The following ITPR2 variants were observed in gnomAD, a reference collection of about 807,000 sequenced individuals.
ITPR2 encodes inositol 1,4,5-trisphosphate-gated calcium channel ITPR2.
A neutral mutation model predicts 317.1 loss-of-function variants in ITPR2; 207 were observed. The ratio of observed to expected loss-of-function variants is 0.65; its 90% CI spans 0.58 to 0.73. ITPR2 has a LOEUF of 0.73. Ranked by LOEUF, ITPR2 falls within the 30% of genes least tolerant of loss-of-function variation. ITPR2 has a pLI of 0.00. For synonymous variants in ITPR2, 1,156 were observed against 1,149.1 expected, an observed-to-expected ratio of 1.01 and a Z score of -0.12; for missense variants, 2,613 against 3,284.0, an observed-to-expected ratio of 0.80 and a Z score of 4.99.
At chr12:26,499,203 T>C (rs1943017493) in intron 37 of ITPR2, among the ~76,000 whole-genome samples, 1 of 152,236 alleles carries the variant, frequency 6.6e-6, no homozygotes, top group Non-Finnish European at 1.5e-5. Flanking sequence ...GCATCATATT[T>C]GTGATTATTT....
At chr12:26,763,157 C>A (rs148506681) in intron 2 of ITPR2, among the ~76,000 whole-genome samples, 1 of 151,922 alleles carries the variant, frequency 6.6e-6, no homozygotes, top group East Asian at 1.9e-4. Context: ...GTGATGGATG[C>A]GTGTTCTGGG....
chr12:26,504,133 AG>A (rs1365199575), intron 37 of ITPR2, among the ~76,000 whole-genome samples: 2 of 152,246 alleles, frequency 1.3e-5, no homozygotes, highest in African/African-American at 4.8e-5. Context: ...TCCTTGAAGT[AG>A]TGTTAAATGG....
chr12:26,737,535 A>G (rs973409685), intron 2 of ITPR2, among the ~76,000 whole-genome samples: 1 of 152,094 alleles, frequency 6.6e-6, no homozygotes, highest in African/African-American at 2.4e-5. Context: ...TTACAGGCAT[A>G]AGCCACCGCA....
intron 21 of ITPR2, among the ~76,000 whole-genome samples, chr12:26,651,766 C>T (rs1377303469): frequency 6.6e-6 from 1 of 152,214 alleles, no homozygotes; most frequent in Non-Finnish European, 1.5e-5. Context: ...TCTTGTTCAA[C>T]ATCGCCCCCT....
At position 26,616,312 on chromosome 12, in the gene ITPR2, T is replaced by C. The variant is rs1288425757; in HGVS notation, c.3462+4811A>G. Among the ~76,000 whole-genome samples, 4 of 151,942 alleles carry C rather than the reference T, an allele frequency of 2.6e-5. No individual in the cohort carries two copies. In the East Asian group the frequency reaches 7.7e-4, roughly 29 times the overall value. On this transcript the variant is annotated intron_variant, in intron 26 of 56. Coordinates refer to ENST00000381340, the MANE Select transcript of ITPR2 (RefSeq NM_002223.4). Reference sequence around the variant, plus strand: ...ACCACCACACCCAGCTAATTTTTTGTATTTTTAGTAGAGATGGGGTTTCAC... The same window carrying C: ...ACCACCACACCCAGCTAATTTTTTGCATTTTTAGTAGAGATGGGGTTTCAC...
chr12:26,375,237 TTTC>T (rs1399413505), intron 55 of ITPR2, among the ~76,000 whole-genome samples: 2 of 152,176 alleles, frequency 1.3e-5, no homozygotes, highest in African/African-American at 4.8e-5. Flanking sequence ...AAACAAGAAT[TTTC>T]TTCAGCACAG....
At chr12:26,627,991 A>G (rs1429176407) in intron 23 of ITPR2, 42 bp downstream of exon 23, 2 of 1,532,748 alleles carry the variant, frequency 1.3e-6, no homozygotes, top group East Asian at 2.3e-5. Flanking sequence ...AAGTTCTCAG[A>G]AAAATAAAAT....
At chr12:26,503,371 T>C (rs890756228) in intron 37 of ITPR2, among the ~76,000 whole-genome samples, 3 of 152,178 alleles carry the variant, frequency 2.0e-5, no homozygotes, top group African/African-American at 7.2e-5. Flanking sequence ...TTTTAATAAA[T>C]TCAGAATACA....
rs939482395 is a variant in ITPR2 at position 26,818,265 on chromosome 12, G to A, written c.92+14425C>T. ...TTACTGCCTCTCAGAACTCCTATGCGACAACTTACCCAAACAGTTCTTCAT... is the reference window on the plus strand; with the variant it reads ...TTACTGCCTCTCAGAACTCCTATGCAACAACTTACCCAAACAGTTCTTCAT... On this transcript the variant is annotated intron_variant, in intron 1 of 56. Transcript: ENST00000381340. Among the ~76,000 whole-genome samples, 8 of 152,230 alleles carry A rather than the reference G, an allele frequency of 5.3e-5. No homozygotes were observed. In the East Asian group the frequency reaches 9.7e-4, roughly 18 times the overall value.
intron 1 of ITPR2, among the ~76,000 whole-genome samples, chr12:26,816,156 T>C (rs117382529): frequency 0.014 from 2,088 of 151,792 alleles, 26 homozygotes; most frequent in Non-Finnish European, 0.023. Context: ...CAGCAGAACT[T>C]TTTAACATCA....
In ITPR2 at chr12:26,400,328, T is replaced by C. The variant is rs527627018; in HGVS notation, c.7400-70A>G. On this transcript the variant is annotated intron_variant, in intron 52 of 56. Coordinates refer to ENST00000381340, the MANE Select transcript of ITPR2 (RefSeq NM_002223.4). Reference sequence around the variant, plus strand: ...TATATAAAATAAAATACACATAAAATGAAATATACATACAATAAATATACA... The same window carrying C: ...TATATAAAATAAAATACACATAAAACGAAATATACATACAATAAATATACA... 413 of 881,210 alleles carry C rather than the reference T, an allele frequency of 4.7e-4. 1 individual carries two copies. The African/African-American group carries it at 6.3e-3, about 13-fold the overall frequency. 54.6% of individuals were successfully genotyped at this position (881,210 alleles called of 1,614,324 possible).
chr12:26,455,165 C>A (rs192668864), intron 45 of ITPR2, among the ~76,000 whole-genome samples: 1 of 151,526 alleles, frequency 6.6e-6, no homozygotes, highest in Non-Finnish European at 1.5e-5. Flanking sequence ...GATGTAAAAT[C>A]GGGGGTGGAA....
intron 15 of ITPR2, 69 bp downstream of exon 15, chr12:26,663,616 A>C (rs1229628886): frequency 7.3e-6 from 10 of 1,371,544 alleles, no homozygotes; most frequent in South Asian, 3.1e-5. Flanking sequence ...TATGCTGTAG[A>C]ATTATAACCA....
chr12:26,359,293 G>A (rs558276797), intron 55 of ITPR2, among the ~76,000 whole-genome samples: 12 of 152,302 alleles, frequency 7.9e-5, no homozygotes, highest in South Asian at 2.1e-4. Flanking sequence ...GACCTGTCCC[G>A]TGCTGGAAAG....
chr12:26,358,885 T>C (rs994045105), intron 55 of ITPR2, among the ~76,000 whole-genome samples: 1 of 152,188 alleles, frequency 6.6e-6, no homozygotes, highest in Admixed American at 6.5e-5. Flanking sequence ...GGTTGGCTCC[T>C]GCTGATTCCT....
chr12:26,479,764 C>T (rs995482947), intron 43 of ITPR2, among the ~76,000 whole-genome samples: 1 of 152,064 alleles, frequency 6.6e-6, no homozygotes, highest in Non-Finnish European at 1.5e-5. Flanking sequence ...AAAATACAAA[C>T]TAATCTCTTC....
intron 2 of ITPR2, among the ~76,000 whole-genome samples, chr12:26,775,933 C>CATATATATATATATAT: frequency 0.046 from 3,936 of 85,270 alleles, 537 homozygotes; most frequent in African/African-American, 0.065. Flanking sequence ...CTCCCCTTTA[C>CATATATATATATATAT]ATATATATAT....
At chr12:26,501,808 G>A (rs2136892029) in intron 37 of ITPR2, among the ~76,000 whole-genome samples, 1 of 152,316 alleles carries the variant, frequency 6.6e-6, no homozygotes, top group Non-Finnish European at 1.5e-5. Flanking sequence ...AAAAGTGGAT[G>A]CAAAAAGCAA....
At chr12:26,693,537 C>G (rs1388975007) in intron 10 of ITPR2, among the ~76,000 whole-genome samples, 5 of 152,186 alleles carry the variant, frequency 3.3e-5, no homozygotes, top group Non-Finnish European at 7.3e-5. Flanking sequence ...TACATATCCT[C>G]CTATATACTT....
Sources: allele counts gnomAD v4.1 joint callset (sites outside exome capture counted in the v4.1 genomes callset), GRCh38; gene constraint gnomAD v4.1.1; transcripts MANE v1.5; gene names NCBI Gene and HGNC (gene_info 2026-07-23, HGNC 2026-07-21).